PAH: variants seen among roughly 807,000 people sequenced by gnomAD.
PAH encodes phenylalanine-4-hydroxylase.
In PAH, 64 loss-of-function variants were observed where a neutral mutation model predicts 62.0. The observed-to-expected ratio is 1.03, with a 90% CI of 0.84 to 1.27. The LOEUF is 1.27. Ranked by LOEUF, PAH falls within the 50% of genes most tolerant of loss-of-function variation. PAH has a pLI of 0.00. For synonymous variants in PAH, 195 were observed against 196.2 expected (o/e 0.99, Z 0.05); for missense variants, 579 against 542.8 (o/e 1.07, Z -0.66).
chr12:102,907,141 A>G (rs1228149162), intron 2 of PAH, among the ~76,000 whole-genome samples: 2 of 152,262 alleles, frequency 1.3e-5, no homozygotes, highest in Non-Finnish European at 2.9e-5. Flanking sequence ...GCGGTTGATA[A>G]TAGATGGAAG....
At position 102,869,651 on chromosome 12, in the gene PAH, C is replaced by T. The variant is rs188526182; in HGVS notation, c.442-2988G>A. On this transcript the variant is annotated intron_variant, in intron 4 of 12. Transcript: ENST00000553106. Reference sequence around the variant, plus strand: ...TTTCTAACCATGACCCTTTCCAGCTCCTGGTTTCTAAGTTCATTATCAGCC... The same window carrying T: ...TTTCTAACCATGACCCTTTCCAGCTTCTGGTTTCTAAGTTCATTATCAGCC... Among the ~76,000 whole-genome samples the T allele has an allele frequency of 2.6e-3, 402 of 152,296 alleles. 3 individuals carry two copies. The South Asian group carries it at 0.04, about 15-fold the overall frequency.
intron 4 of PAH, among the ~76,000 whole-genome samples, chr12:102,867,514 G>T (rs1876029962): frequency 6.6e-6 from 1 of 152,134 alleles, no homozygotes; most frequent in Non-Finnish European, 1.5e-5. Context: ...AAAAACAGTT[G>T]ATTGCAGTCT....
chr12:102,931,842 G>A (rs1361363509), intron 1 of PAH, among the ~76,000 whole-genome samples: 1 of 152,078 alleles, frequency 6.6e-6, no homozygotes. Flanking sequence ...TTGGTACATA[G>A]TAGGTATCCA....
rs62516146 is a variant in PAH, at chr12:102,852,810, C to T, written c.842+5G>A. 5.6e-6 allele frequency: 9 copies of T among 1,613,878 alleles called. No homozygotes were observed. Among genetic ancestry groups the T allele is most frequent in the East Asian group, 2.2e-5 (1 of 44,890 alleles). On this transcript the variant is annotated splice_donor_5th_base_variant and intron_variant, in intron 7 of 12. Transcript: ENST00000553106. The stretch of plus-strand genomic sequence containing the variant: ...GGCAACTGGTAGCTGGAGGACAGTA[C>T]TCACGGTTCGGGGGTATACATGGGC...
intron 10 of PAH, 138 bp downstream of exon 10, chr12:102,844,198 A>T: frequency 1.4e-6 from 1 of 705,792 alleles, no homozygotes; most frequent in African/African-American, 1.7e-5. Flanking sequence ...CTGCTAAGGT[A>T]CCAATCACTG....
chr12:102,955,085 C>T (rs117891390), upstream of PAH, among the ~76,000 whole-genome samples: 4 of 152,316 alleles, frequency 2.6e-5, no homozygotes, highest in African/African-American at 9.6e-5. Flanking sequence ...ATCCCAGCAA[C>T]GACTGTCCTT....
intron 1 of PAH, among the ~76,000 whole-genome samples, chr12:102,938,413 G>A (rs1222176840): frequency 6.6e-6 from 1 of 152,172 alleles, no homozygotes; most frequent in Non-Finnish European, 1.5e-5. Context: ...GGATCCCTGA[G>A]CACCCCGACA....
At chr12:102,958,382 AGCGCAGAGC>A (rs1466951550), upstream of PAH, 68 of 1,470,756 alleles carry the variant, frequency 4.6e-5, no homozygotes, top group Non-Finnish European at 5.8e-5. Context: ...CCGCAGCGGC[AGCGCAGAGC>A]GCGCAGCAGC....
rs1003552374 is a variant in PAH at position 102,836,915 on chromosome 12, G to A, written c.*2260C>T. On this transcript the variant is annotated 3_prime_UTR_variant, in exon 13 of 13. Coordinates refer to ENST00000553106, the MANE Select transcript of PAH (RefSeq NM_000277.3). ...GTTTTTATAAAGCTGACATTTTATT[G>A]GTGGATTTTTTGAAACACAACTAAA... The A allele has an allele frequency of 1.4e-4, 21 of 152,106 alleles. No homozygotes were observed. Among genetic ancestry groups the A allele is most frequent in the African/African-American group, 5.1e-4 (21 of 41,408 alleles). 9.4% of individuals were successfully genotyped at this position (152,106 alleles called of 1,614,324 possible). A position where few individuals can be genotyped will look rare whatever the true frequency, so the allele number is the denominator to read the frequency against.
chr12:102,954,180 A>T (rs7303972), upstream of PAH, among the ~76,000 whole-genome samples: 46,286 of 152,114 alleles, frequency 0.3, 7,536 homozygotes, highest in African/African-American at 0.4. Flanking sequence ...ACATCTCTAT[A>T]GTCTATCTTA....
At chr12:102,875,290 G>A (rs1876516218) in intron 4 of PAH, among the ~76,000 whole-genome samples, 1 of 152,198 alleles carries the variant, frequency 6.6e-6, no homozygotes, top group Non-Finnish European at 1.5e-5. Flanking sequence ...CAGCTGCTTT[G>A]GAGGGGACTT....
chr12:102,866,294 T>C (rs1401578582), intron 5 of PAH, among the ~76,000 whole-genome samples: 1 of 152,156 alleles, frequency 6.6e-6, no homozygotes, highest in African/African-American at 2.4e-5. Flanking sequence ...GACCGAGGCC[T>C]TTTCTAATTA....
intron 1 of PAH, among the ~76,000 whole-genome samples, chr12:102,913,391 T>C (rs1047445165): frequency 3.3e-5 from 5 of 152,180 alleles, no homozygotes; most frequent in Non-Finnish European, 7.4e-5. Flanking sequence ...AAATGGAACA[T>C]GCACAGGCTT....
intron 7 of PAH, chr12:102,852,387 C>T (rs1875190298): frequency 4.2e-6 from 1 of 237,600 alleles, no homozygotes; most frequent in South Asian, 6.4e-5. Context: ...TAACGAAACA[C>T]CCAAGTAAGA....
chr12:102,923,957 T>C (rs916604275), intron 1 of PAH, among the ~76,000 whole-genome samples: 2 of 152,340 alleles, frequency 1.3e-5, no homozygotes, highest in South Asian at 2.1e-4. Context: ...ATGCTCAATA[T>C]TCAAAGAAGT....
intron 5 of PAH, among the ~76,000 whole-genome samples, chr12:102,860,340 CA>C (rs1352863069): frequency 6.6e-6 from 1 of 152,200 alleles, no homozygotes; most frequent in Non-Finnish European, 1.5e-5. Context: ...AAAGAGAACA[CA>C]GACAAATGGA....
Position 102,912,855 on chromosome 12 carries a change from A to G in PAH, c.104T>C (p.Ile35Thr). 6.2e-7 allele frequency: 1 copy of G among 1,613,790 alleles called. No homozygotes were observed. The highest frequency in any genetic ancestry group is 1.1e-5 in the South Asian group (1 of 91,080). The change falls in exon 2 of 13, where the codon ATA becomes ACA. Residue 35 changes from isoleucine (I) to threonine (T), a missense_variant. By Grantham distance (89) the Ile-to-Thr change is moderately conservative. Transcript: ENST00000553106. ...IEDNCNQNGA[I>T]SLIFSLKEEV... is the part of the protein sequence containing the mutation. ...TTCTTTGAGTGAGAAGATCAGTGATATGGCACCATTTTGATTGCAGTTGTC... is the reference window on the plus strand; with the variant it reads ...TTCTTTGAGTGAGAAGATCAGTGATGTGGCACCATTTTGATTGCAGTTGTC...
At chr12:102,868,214 A>G (rs1876147233) in intron 4 of PAH, among the ~76,000 whole-genome samples, 1 of 136,234 alleles carries the variant, frequency 7.3e-6, no homozygotes. Context: ...ATCAGGGCCT[A>G]CCAGTAATTG....
intron 4 of PAH, among the ~76,000 whole-genome samples, chr12:102,870,142 T>C (rs1389869739): frequency 6.6e-6 from 1 of 152,060 alleles, no homozygotes; most frequent in Non-Finnish European, 1.5e-5. Flanking sequence ...GTATAATTTG[T>C]GTGTGTGGGT....
Sources: allele counts gnomAD v4.1 joint callset (sites outside exome capture counted in the v4.1 genomes callset), GRCh38; gene constraint gnomAD v4.1.1; transcripts MANE v1.5; gene names NCBI Gene and HGNC (gene_info 2026-07-23, HGNC 2026-07-21).